The following FAM3A variants were observed in gnomAD, a reference collection of about 807,000 sequenced individuals.
FAM3A encodes protein FAM3A.
In FAM3A, 5 loss-of-function variants were observed where a neutral mutation model predicts 18.1. That is an observed-to-expected ratio of 0.28 (90% CI 0.14 to 0.58). The LOEUF is 0.58. Among genes scored for constraint, FAM3A ranks in the 20% least tolerant of loss-of-function variants. The pLI, the probability that FAM3A is intolerant of heterozygous loss-of-function variation, is 0.91. For missense variants in FAM3A, 154 were observed against 216.6 expected (o/e 0.71, Z 1.81); for synonymous variants, 108 against 90.2 (o/e 1.20, Z -1.12).
chrX:154,515,780 T>G lies in FAM3A; in HGVS notation c.-8A>C, dbSNP rs1569556009. On this transcript the variant is annotated 5_prime_UTR_variant, in exon 1 of 9. Coordinates refer to ENST00000447601, the MANE Select transcript of FAM3A (RefSeq NM_021806.4). ...CCCACCTGCCAACCTCATGTCCACT[T>G]CTCCTGCTGGGTTGGGACCGCCGGC... is the stretch of plus-strand genomic sequence containing the variant. 2.5e-6 allele frequency: 3 copies of G among 1,209,015 alleles called. No homozygotes were observed. The Admixed American group carries it at 6.6e-5, about 26-fold the overall frequency.
rs1373565760 is a variant in FAM3A, at chrX:154,512,248, TAATAATAATAATAATAATAAGAAG to T, written c.128-401_128-378del. The T allele has an allele frequency of 5.8e-5, 5 of 85,555 alleles. 1 individual carries two copies. Among genetic ancestry groups the T allele is most frequent in the Non-Finnish European group, 8.7e-5 (4 of 45,900 alleles). 7.1% of individuals were successfully genotyped at this position (85,555 alleles called of 1,213,427 possible). ...AATACAATAATAATAATAATAATAATAATAATAATAATAATAATAAGAAGAAGAAGAAGAAGAAGAAGAAGCCGG... is the reference window on the plus strand; with the variant it reads ...AATACAATAATAATAATAATAATAATAAGAAGAAGAAGAAGAAGAAGCCGG... On this transcript the variant is annotated intron_variant, in intron 2 of 8. Transcript: ENST00000447601.
In FAM3A at chrX:154,506,526, T is replaced by C. The variant is rs992026529; in HGVS notation, c.*285A>G. 54 of 341,919 alleles carry C rather than the reference T, an allele frequency of 1.6e-4. No homozygotes were observed. In the East Asian group the frequency reaches 2.7e-3, roughly 17 times the overall value. 28.2% of individuals were successfully genotyped at this position (341,919 alleles called of 1,213,427 possible). ...ATGGGGATGGAGATGGCGTGAGGAATGGAGGACAGGGCTAGATGGGCTGAC... is the reference window on the plus strand; with the variant it reads ...ATGGGGATGGAGATGGCGTGAGGAACGGAGGACAGGGCTAGATGGGCTGAC... On this transcript the variant is annotated 3_prime_UTR_variant, in exon 9 of 9. Coordinates refer to ENST00000447601, the MANE Select transcript of FAM3A (RefSeq NM_021806.4).
intron 1 of FAM3A, among the ~76,000 whole-genome samples, chrX:154,514,395 C>A (rs1436673274): frequency 9.1e-6 from 1 of 109,708 alleles, no homozygotes; most frequent in East Asian, 2.9e-4. Context: ...AGGCGCGCAC[C>A]ACCGTGCCTG....
At chrX:154,507,123 CAG>C (rs1557219007) in intron 8 of FAM3A, 78 bp downstream of exon 8, 9 of 1,124,707 alleles carry the variant, frequency 8.0e-6, no homozygotes, top group Non-Finnish European at 9.5e-6. Flanking sequence ...GGGGCGTGAG[CAG>C]CTGGGGAGGC....
chrX:154,507,143 A>G, intron 8 of FAM3A, 60 bp downstream of exon 8: 1 of 1,158,309 alleles, frequency 8.6e-7, no homozygotes, highest in Non-Finnish European at 1.2e-6. Context: ...GGCTCGTCGC[A>G]TGCAGGCAGA....
Position 154,515,787 on chromosome X carries a change from C to A in FAM3A, c.-15G>T, listed in dbSNP as rs2070163674. The A allele has an allele frequency of 8.3e-7, 1 of 1,209,445 alleles. No homozygotes were observed. The highest frequency in any genetic ancestry group is 1.7e-5 in the African/African-American group (1 of 57,180). ...GCCAACCTCATGTCCACTTCTCCTG[C>A]TGGGTTGGGACCGCCGGCAAGTGCA... On this transcript the variant is annotated 5_prime_UTR_variant, in exon 1 of 9. Transcript: ENST00000447601.
intron 3 of FAM3A, chrX:154,508,939 G>A (rs1380202248): frequency 9.4e-6 from 3 of 317,953 alleles, no homozygotes; most frequent in African/African-American, 8.1e-5. Flanking sequence ...AGCAAAGGCA[G>A]TGTGGCAGGG....
chrX:154,509,772 CCAT>C (rs2069767402), intron 3 of FAM3A: 1 of 112,024 alleles, frequency 8.9e-6, no homozygotes. Context: ...TGGCATTCAT[CCAT>C]TCATGAGGGC....
chrX:154,507,639 T>C (rs1443718640), intron 6 of FAM3A, 149 bp from the exon 7 acceptor site: 8 of 797,641 alleles, frequency 1.0e-5, no homozygotes, highest in Non-Finnish European at 1.3e-5. Flanking sequence ...AGCTGAGGCA[T>C]CCCCGTGACC....
At position 154,507,290 on chromosome X, in the gene FAM3A, G is replaced by C; in HGVS notation, c.510C>G (p.Gly170=). 2.5e-6 allele frequency: 3 copies of C among 1,211,794 alleles called. No homozygotes were observed. Among genetic ancestry groups the C allele is most frequent in the Non-Finnish European group, 3.4e-6 (3 of 895,403 alleles). ...AGGCCAGCTCCTTGGCGTTCCTGCT[G>C]CCCAGCTCACTGAAGAGCTTTCTGG... The part of the protein sequence containing the change: ...EETRKLFSEL[G]SRNAKELAFR... Residue 170 remains glycine (G), a synonymous_variant, in exon 8 of 9, where the codon GGC becomes GGG. Coordinates refer to ENST00000447601, the MANE Select transcript of FAM3A (RefSeq NM_021806.4).
rs1482429532 is a variant in FAM3A at position 154,508,269 on chromosome X, C to T, written c.334+20G>A. On this transcript the variant is annotated intron_variant, in intron 5 of 8. Coordinates refer to ENST00000447601, the MANE Select transcript of FAM3A (RefSeq NM_021806.4). Reference sequence around the variant, plus strand: ...AGCAGGGAAGGAGGGCGGCAGGCCACGCTCAGCCAGGGGCCTCACCGTTCA... The same window carrying T: ...AGCAGGGAAGGAGGGCGGCAGGCCATGCTCAGCCAGGGGCCTCACCGTTCA... 6 of 1,080,037 alleles carry T rather than the reference C, an allele frequency of 5.6e-6. No individual in the cohort carries two copies. The highest frequency in any genetic ancestry group is 3.9e-5 in the Admixed American group (1 of 25,596). The allele number at this position is 1,080,037 out of a possible 1,213,427, so 89.0% of individuals were successfully genotyped here.
rs1557218442 is a variant in FAM3A at position 154,506,773 on chromosome X, G to A, written c.*38C>T. On this transcript the variant is annotated 3_prime_UTR_variant, in exon 9 of 9. Coordinates refer to ENST00000447601, the MANE Select transcript of FAM3A (RefSeq NM_021806.4). Reference sequence around the variant, plus strand: ...CCCGGCAGCGCGCGTGCCTCCCTTGGTCTGGCCTCCCTCGGCCCGGTCCTG... The same window carrying A: ...CCCGGCAGCGCGCGTGCCTCCCTTGATCTGGCCTCCCTCGGCCCGGTCCTG... 8.7e-7 allele frequency: 1 copy of A among 1,148,519 alleles called. No homozygotes were observed. The highest frequency in any genetic ancestry group is 1.8e-5 in the South Asian group (1 of 55,198). The allele number at this position is 1,148,519 out of a possible 1,213,427, so 94.7% of individuals were successfully genotyped here.
intron 1 of FAM3A, among the ~76,000 whole-genome samples, chrX:154,515,552 T>A (rs1347254422): frequency 8.9e-6 from 1 of 112,201 alleles, no homozygotes; most frequent in Admixed American, 9.4e-5. Context: ...ACTATACTAA[T>A]CCTCATGTCA....
At chrX:154,513,149 G>A (rs988013144) in intron 1 of FAM3A, among the ~76,000 whole-genome samples, 14 of 111,761 alleles carry the variant, frequency 1.3e-4, no homozygotes, top group African/African-American at 4.2e-4. Context: ...AAATCCCAAG[G>A]CTGCTGGGTT....
intron 2 of FAM3A, 81 bp from the exon 3 acceptor site, chrX:154,511,952 A>C (rs1157565574): frequency 1.1e-6 from 1 of 929,561 alleles, no homozygotes; most frequent in Admixed American, 2.3e-5. Flanking sequence ...TTACACCGCG[A>C]AGTGTAGACA....
At position 154,515,760 on chromosome X, in the gene FAM3A, C is replaced by T; in HGVS notation, c.13G>A (p.Gly5Ser). Residue 5 changes from glycine (G) to serine (S), a missense_variant and splice_region_variant, in exon 1 of 9, where the codon GGC (glycine) becomes AGC (serine). Physicochemically the swap from Gly to Ser is moderately conservative, Grantham distance 56. Transcript: ENST00000447601. MRLA[G>S]PLRIVVLVVS... ...CCCGTTCGCTGTGGAAGCCACCCAC[C>T]TGCCAACCTCATGTCCACTTCTCCT... The T allele has an allele frequency of 8.3e-7, 1 of 1,211,696 alleles. No individual in the cohort carries two copies. Among genetic ancestry groups the T allele is most frequent in the Non-Finnish European group, 1.1e-6 (1 of 895,212 alleles).
chrX:154,507,900 C>T (rs936123718), intron 5 of FAM3A, 39 bp from the exon 6 acceptor site: 4 of 1,159,025 alleles, frequency 3.5e-6, no homozygotes, highest in South Asian at 3.9e-5. Flanking sequence ...GTAAGCCAGG[C>T]CAGCCTCAGG....
chrX:154,510,529 C>CTA (rs2069811827), intron 3 of FAM3A: 1 of 21,571 alleles, frequency 4.6e-5, no homozygotes, highest in Non-Finnish European at 2.5e-4. Flanking sequence ...TCTGTCTCTA[C>CTA]CAAAAAAAAA....
In FAM3A at chrX:154,508,408, C is replaced by T. The variant is rs2148294975; in HGVS notation, c.276-61G>A. 2.6e-6 allele frequency: 3 copies of T among 1,176,083 alleles called. No individual in the cohort carries two copies. The East Asian group carries it at 9.0e-5, about 35-fold the overall frequency. ...CACATGGGCACGTCTGCTCCACTCTCCCTTGCAGACCCGGCCCTGGATCCC... is the reference window on the plus strand; with the variant it reads ...CACATGGGCACGTCTGCTCCACTCTTCCTTGCAGACCCGGCCCTGGATCCC... On this transcript the variant is annotated intron_variant, in intron 4 of 8. Coordinates refer to ENST00000447601, the MANE Select transcript of FAM3A (RefSeq NM_021806.4).
Sources: gnomAD v4.1 joint callset for allele counts (sites outside exome capture counted in the v4.1 genomes callset) on GRCh38, gnomAD v4.1.1 for gene constraint, MANE v1.5 for transcripts, NCBI Gene and HGNC (gene_info 2026-07-23, HGNC 2026-07-21) for gene names.